Variants in ICAM2 observed in about 807,000 individuals in gnomAD.
ICAM2 encodes ICAM-2.
In ICAM2, 14 loss-of-function variants were observed where a neutral mutation model predicts 19.1. That is an observed-to-expected ratio of 0.73 (90% CI 0.48 to 1.15). ICAM2 has a LOEUF of 1.15. Among genes scored for constraint, ICAM2 ranks in the 50% most tolerant of loss-of-function variants. ICAM2 has a pLI of 0.00. For synonymous variants in ICAM2, 153 were observed against 152.7 expected (o/e 1.00, Z -0.01); for missense variants, 311 against 355.4 (o/e 0.88, Z 1.00).
At chr17:64,011,353 T>C (rs142187417) in intron 1 of ICAM2, among the ~76,000 whole-genome samples, 1 of 152,110 alleles carries the variant, frequency 6.6e-6, no homozygotes, top group Non-Finnish European at 1.5e-5. Context: ...TCTCAGCTCC[T>C]CGGGAGGCTG....
chr17:64,014,067 C>T (rs1204990309), intron 1 of ICAM2, among the ~76,000 whole-genome samples: 2 of 151,948 alleles, frequency 1.3e-5, no homozygotes, highest in African/African-American at 4.8e-5. Context: ...ATCATAATGA[C>T]ACATTTATAA....
chr17:64,003,080 T>C, intron 4 of ICAM2, 155 bp from the exon 5 acceptor site: 1 of 616,842 alleles, frequency 1.6e-6, no homozygotes, highest in Non-Finnish European at 2.8e-6. Context: ...GAGTGGTGAA[T>C]GGTGTCTGCA....
intron 1 of ICAM2, among the ~76,000 whole-genome samples, chr17:64,018,484 G>A (rs1243428694): frequency 6.6e-6 from 1 of 151,986 alleles, no homozygotes; most frequent in Admixed American, 6.6e-5. Context: ...TATGTATTAG[G>A]TTGGCAAAAG....
In ICAM2 at chr17:64,006,629, A is replaced by G. The variant is rs1436228421; in HGVS notation, c.61+2T>C. 6.2e-7 allele frequency: 1 copy of G among 1,613,722 alleles called. No individual in the cohort carries two copies. The highest frequency in any genetic ancestry group is 8.5e-7 in the Non-Finnish European group (1 of 1,179,626). The stretch of plus-strand genomic sequence containing the variant: ...ATCAGGAACCCCAGGAAACTGGCTT[A>G]CCTGGACAGCAGATCAGGGTGAAGA... On this transcript the variant is annotated splice_donor_variant, in intron 2 of 4. Coordinates refer to ENST00000579788, the MANE Select transcript of ICAM2 (RefSeq NM_001099789.2). LOFTEE classifies it high-confidence loss of function.
At chr17:64,014,256 C>A (rs866680955) in intron 1 of ICAM2, among the ~76,000 whole-genome samples, 1 of 146,588 alleles carries the variant, frequency 6.8e-6, no homozygotes, top group Middle Eastern at 3.4e-3. Flanking sequence ...GGAGGATTGC[C>A]CCTGCCCAGG....
At chr17:64,014,352 AAAGAAAGAAAGAAAGAAAGAAAGAAAGG>A (rs1162545973) in intron 1 of ICAM2, among the ~76,000 whole-genome samples, 48 of 54,264 alleles carry the variant, frequency 8.8e-4, no homozygotes, top group African/African-American at 2.4e-3. Flanking sequence ...AGAAAGAAAG[AAAGAAAGAAAGAAAGAAAGAAAGAAAGG>A]AAGGAAGGAA....
At position 64,002,888 on chromosome 17, in the gene ICAM2, C is replaced by G; in HGVS notation, c.687G>C (p.Thr229=). The G allele has an allele frequency of 1.2e-6, 2 of 1,613,968 alleles. No homozygotes were observed. The highest frequency in any genetic ancestry group is 1.7e-6 in the Non-Finnish European group (2 of 1,179,962). The change falls in exon 5 of 5, where the codon ACG becomes ACC. Residue 229 remains threonine, a synonymous_variant. Coordinates refer to ENST00000579788, the MANE Select transcript of ICAM2 (RefSeq NM_001099789.2). ...ACAGGGACAGCAACACCGACACCAC[C>G]GTGACTATGATGACCATCTGGCTGT... is the stretch of plus-strand genomic sequence containing the variant. ...VSDSQMVIIV[T]VVSVLLSLFV...
rs1031723964 is a variant in ICAM2 at position 64,006,769 on chromosome 17, T to C, written c.-44-34A>G. ...AGATGGTGGGCGCAGGTCTGAGCTATGGCCCAGAATCCCTAGCCTTCTGCA... is the reference window on the plus strand; with the variant it reads ...AGATGGTGGGCGCAGGTCTGAGCTACGGCCCAGAATCCCTAGCCTTCTGCA... On this transcript the variant is annotated intron_variant, in intron 1 of 4. Coordinates refer to ENST00000579788, the MANE Select transcript of ICAM2 (RefSeq NM_001099789.2). The C allele has an allele frequency of 5.0e-5, 65 of 1,293,654 alleles. 1 individual carries two copies. The highest frequency in any genetic ancestry group is 4.8e-5 in the Non-Finnish European group (43 of 898,766). 80.1% of individuals were successfully genotyped at this position (1,293,654 alleles called of 1,614,324 possible). A position where few individuals can be genotyped will look rare whatever the true frequency, so the allele number is the denominator to read the frequency against.
At position 64,002,753 on chromosome 17, in the gene ICAM2, C is replaced by T. The variant is rs4886; in HGVS notation, c.822G>A (p.Arg274=). 3,160 of 1,611,018 alleles carry T rather than the reference C, an allele frequency of 2.0e-3. 52 individuals are homozygous for T. In the African/African-American group the frequency reaches 0.037, roughly 19 times the overall value. Residue 274 remains arginine, a synonymous_variant, in exon 5 of 5, where the codon CGG becomes CGA. Transcript: ENST00000579788. ...GCCATGCCACTCATGGTTGCTATGG[C>T]CGGAAGGCCTGGGGCAGCCTCCTCC... ...AAWRRLPQAF[R]P
At chr17:64,019,585 G>A (rs1321756118) in intron 1 of ICAM2, among the ~76,000 whole-genome samples, 1 of 152,080 alleles carries the variant, frequency 6.6e-6, no homozygotes, top group Non-Finnish European at 1.5e-5. Flanking sequence ...GGAGGCCGAG[G>A]TGGGCGGATC....
Position 64,005,146 on chromosome 17 carries a change from C to A in ICAM2, c.289G>T (p.Gly97Trp). ...TVLQCHFTCSGKQESMNSNVS... is the reference protein window; with the variant it reads ...TVLQCHFTCSWKQESMNSNVS... ...TTGGAATTCATTGACTCCTGCTTCC[C>A]GGAGCAGGTGAAGTGGCATTGGAGG... The change falls in exon 3 of 5, where the codon GGG becomes TGG. Residue 97 changes from glycine (G) to tryptophan (W), a missense_variant. Physicochemically the swap from Gly to Trp is radical, Grantham distance 184 (BLOSUM62 -2). Coordinates refer to ENST00000579788, the MANE Select transcript of ICAM2 (RefSeq NM_001099789.2). 6.2e-7 allele frequency: 1 copy of A among 1,614,076 alleles called. No individual in the cohort carries two copies. Among genetic ancestry groups the A allele is most frequent in the Non-Finnish European group, 8.5e-7 (1 of 1,179,992 alleles).
At chr17:64,018,925 T>C (rs1911831624) in intron 1 of ICAM2, among the ~76,000 whole-genome samples, 4 of 151,868 alleles carry the variant, frequency 2.6e-5, no homozygotes, top group African/African-American at 7.3e-5. Context: ...TTTCATCTTG[T>C]TGGCCAGGAC....
In ICAM2 at chr17:64,003,489, A is replaced by G. The variant is rs369452041; in HGVS notation, c.649+155T>C. 1.7e-4 allele frequency: 120 copies of G among 709,412 alleles called. No homozygotes were observed. In the African/African-American group the frequency reaches 1.9e-3, roughly 11 times the overall value. 43.9% of individuals were successfully genotyped at this position (709,412 alleles called of 1,614,324 possible). A position where few individuals can be genotyped will look rare whatever the true frequency, so the allele number is the denominator to read the frequency against. ...TGAGGTCCAAGCTGGGGACTTGGAAAGAACTTCAGGGAAGAGGGAGAGTAA... is the reference window on the plus strand; with the variant it reads ...TGAGGTCCAAGCTGGGGACTTGGAAGGAACTTCAGGGAAGAGGGAGAGTAA... On this transcript the variant is annotated intron_variant, in intron 4 of 4. Coordinates refer to ENST00000579788, the MANE Select transcript of ICAM2 (RefSeq NM_001099789.2).
chr17:64,012,614 T>A (rs930849001), intron 1 of ICAM2, among the ~76,000 whole-genome samples: 2 of 152,036 alleles, frequency 1.3e-5, no homozygotes, highest in South Asian at 2.1e-4. Flanking sequence ...GAAAAAAAAA[T>A]TATTAAAATG....
chr17:64,014,607 G>A (rs1339410998), intron 1 of ICAM2, among the ~76,000 whole-genome samples: 1 of 142,846 alleles, frequency 7.0e-6, no homozygotes, highest in African/African-American at 2.6e-5. Context: ...AAGAAAGGGA[G>A]GGAGGGAGGG....
chr17:64,003,082 G>C, intron 4 of ICAM2, 157 bp from the exon 5 acceptor site: 6 of 612,574 alleles, frequency 9.8e-6, no homozygotes, highest in Non-Finnish European at 1.7e-5. Flanking sequence ...GTGGTGAATG[G>C]TGTCTGCATT....
At chr17:64,003,022 A>G (rs1598013825) in intron 4 of ICAM2, 97 bp from the exon 5 acceptor site, 2 of 1,100,792 alleles carry the variant, frequency 1.8e-6, no homozygotes, top group Non-Finnish European at 2.6e-6. Flanking sequence ...AGACCCCCAG[A>G]CCCCGCCGCC....
chr17:64,014,986 C>T (rs1428417362), intron 1 of ICAM2, among the ~76,000 whole-genome samples: 1 of 151,676 alleles, frequency 6.6e-6, no homozygotes, highest in Non-Finnish European at 1.5e-5. Flanking sequence ...CCAGTGAAAT[C>T]GATATATAAA....
chr17:64,009,077 C>G (rs537740901), intron 1 of ICAM2, among the ~76,000 whole-genome samples: 2 of 152,210 alleles, frequency 1.3e-5, no homozygotes, highest in African/African-American at 4.8e-5. Context: ...ACACATCAAC[C>G]TTCCTGCCTC....
Sources: gnomAD v4.1 joint callset for allele counts (sites outside exome capture counted in the v4.1 genomes callset) on GRCh38, gnomAD v4.1.1 for gene constraint, MANE v1.5 for transcripts, NCBI Gene and HGNC (gene_info 2026-07-23, HGNC 2026-07-21) for gene names.